The following CNTN3 variants were observed in gnomAD, a reference collection of about 807,000 sequenced individuals.
CNTN3 encodes contactin-3.
In CNTN3, 60 loss-of-function variants were observed where a neutral mutation model predicts 119.1. The ratio of observed to expected loss-of-function variants is 0.50; its 90% CI spans 0.41 to 0.62. The LOEUF is 0.62. Among genes scored for constraint, CNTN3 ranks in the 20% least tolerant of loss-of-function variants. The pLI, the probability that CNTN3 is intolerant of heterozygous loss-of-function variation, is 0.00. For synonymous variants in CNTN3, 450 were observed against 438.7 expected, an observed-to-expected ratio of 1.03 and a Z score of -0.32; for missense variants, 1,101 against 1,242.4, an observed-to-expected ratio of 0.89 and a Z score of 1.71.
intron 8 of CNTN3, among the ~76,000 whole-genome samples, chr3:74,365,999 A>G (rs928749141): frequency 6.6e-6 from 1 of 152,124 alleles, no homozygotes; most frequent in African/African-American, 2.4e-5. Flanking sequence ...TTAGATATCT[A>G]TTAGTAGACA....
chr3:74,554,387 T>C (rs1456541493), intron 1 of CNTN3, among the ~76,000 whole-genome samples: 1 of 152,176 alleles, frequency 6.6e-6, no homozygotes. Context: ...TCCAGGATTG[T>C]CTTGGCTATG....
At chr3:74,589,783 AATG>A (rs1293124209) in intron 1 of CNTN3, among the ~76,000 whole-genome samples, 3 of 151,672 alleles carry the variant, frequency 2.0e-5, no homozygotes, top group Non-Finnish European at 4.4e-5. Flanking sequence ...AGCCATAAAA[AATG>A]ATGAGTTCAT....
chr3:74,275,011 CT>C (rs1273186170), intron 20 of CNTN3, among the ~76,000 whole-genome samples: 1 of 152,062 alleles, frequency 6.6e-6, no homozygotes, highest in East Asian at 1.9e-4. Flanking sequence ...GCAAAATGCT[CT>C]GGAAAGTCTC....
chr3:74,413,371 C>T (rs1015492590), intron 5 of CNTN3, among the ~76,000 whole-genome samples: 5 of 152,088 alleles, frequency 3.3e-5, no homozygotes, highest in South Asian at 2.1e-4. Flanking sequence ...AAATTTCATA[C>T]GAATAGTGAA....
chr3:74,573,432 T>C (rs1704365821), intron 1 of CNTN3, among the ~76,000 whole-genome samples: 1 of 152,182 alleles, frequency 6.6e-6, no homozygotes, highest in Non-Finnish European at 1.5e-5. Context: ...GATACCCATA[T>C]GAGCATGTGT....
intron 13 of CNTN3, among the ~76,000 whole-genome samples, chr3:74,332,833 T>A (rs945811922): frequency 2.0e-5 from 3 of 152,220 alleles, no homozygotes; most frequent in African/African-American, 7.2e-5. Context: ...TAATTAAAAG[T>A]AGTAGAAGAG....
rs750061176 is a variant in CNTN3, at chr3:74,486,637, A to T, written c.183-6T>A. ...CACTTCCATTCAGCTGCCATCTGTA[A>T]AACAAATATCAAGGTTCCCCCCCCT... On this transcript the variant is annotated splice_region_variant and splice_polypyrimidine_tract_variant and intron_variant, in intron 3 of 22. Coordinates refer to ENST00000263665, the MANE Select transcript of CNTN3 (RefSeq NM_020872.3). 1 of 1,523,780 alleles carries T rather than the reference A, an allele frequency of 6.6e-7. No homozygotes were observed. Among genetic ancestry groups the T allele is most frequent in the East Asian group, 2.5e-5 (1 of 40,716 alleles). The allele number at this position is 1,523,780 out of a possible 1,614,324, so 94.4% of individuals were successfully genotyped here.
chr3:74,329,009 T>C (rs1303243466), intron 13 of CNTN3, among the ~76,000 whole-genome samples: 1 of 152,208 alleles, frequency 6.6e-6, no homozygotes, highest in Admixed American at 6.5e-5. Flanking sequence ...AGAAGTTGTT[T>C]GGGGAATGAG....
intron 1 of CNTN3, among the ~76,000 whole-genome samples, chr3:74,576,874 C>A (rs1194306677): frequency 6.6e-6 from 1 of 152,070 alleles, no homozygotes; most frequent in African/African-American, 2.4e-5. Context: ...TATTTATATT[C>A]TGGGCTTAAA....
rs201213894 is a variant in CNTN3, at chr3:74,315,975, CA to C, written c.1669-13169del. 7.6e-3 allele frequency among the ~76,000 whole-genome samples: 1,159 copies of C among 152,230 alleles called. 8 individuals carry two copies. The highest frequency in any genetic ancestry group is 0.011 in the Non-Finnish European group (781 of 68,018). On this transcript the variant is annotated intron_variant, in intron 13 of 22. Transcript: ENST00000263665. ...ATTACTATGTCCTCAAAGGCAATTG[CA>C]ACGTAATCAAAAATTGACAAGTGGG...
chr3:74,550,319 T>C (rs1489105749), intron 1 of CNTN3, among the ~76,000 whole-genome samples: 1 of 152,188 alleles, frequency 6.6e-6, no homozygotes, highest in Non-Finnish European at 1.5e-5. Flanking sequence ...AGTTTGGCTA[T>C]TTGGTCAGAA....
At chr3:74,362,526 T>C (rs1337888975) in intron 10 of CNTN3, among the ~76,000 whole-genome samples, 2 of 152,168 alleles carry the variant, frequency 1.3e-5, no homozygotes, top group Non-Finnish European at 1.5e-5. Flanking sequence ...AATTGTTAGG[T>C]TGAACTTCCA....
chr3:74,467,035 T>C (rs1367683685), intron 4 of CNTN3, among the ~76,000 whole-genome samples: 6 of 152,146 alleles, frequency 3.9e-5, no homozygotes, highest in Non-Finnish European at 7.4e-5. Flanking sequence ...AACTATATCT[T>C]TTGGGATTTT....
chr3:74,516,192 C>T (rs1234019276), intron 2 of CNTN3, among the ~76,000 whole-genome samples: 1 of 151,914 alleles, frequency 6.6e-6, no homozygotes, highest in Non-Finnish European at 1.5e-5. Context: ...ACTGTGCCAT[C>T]TACAACATGG....
intron 13 of CNTN3, among the ~76,000 whole-genome samples, chr3:74,310,492 G>A (rs1194447425): frequency 2.0e-5 from 3 of 152,118 alleles, no homozygotes; most frequent in African/African-American, 7.2e-5. Context: ...CCAGCAAGTT[G>A]GTATTGGCTG....
intron 8 of CNTN3, among the ~76,000 whole-genome samples, chr3:74,367,139 A>G (rs1480830491): frequency 6.6e-6 from 1 of 152,022 alleles, no homozygotes; most frequent in African/African-American, 2.4e-5. Flanking sequence ...ATGAAATATT[A>G]GAGCAGATAA....
chr3:74,373,360 G>T (rs923051783), intron 5 of CNTN3, among the ~76,000 whole-genome samples: 2 of 152,174 alleles, frequency 1.3e-5, no homozygotes, highest in African/African-American at 4.8e-5. Flanking sequence ...GTAAAGGAGG[G>T]AAAGCAATCT....
At chr3:74,416,953 A>C (rs1026667950) in intron 5 of CNTN3, among the ~76,000 whole-genome samples, 1 of 151,420 alleles carries the variant, frequency 6.6e-6, no homozygotes, top group Admixed American at 6.6e-5. Flanking sequence ...GTGCCACTGC[A>C]CTCCAGCCTG....
intron 1 of CNTN3, among the ~76,000 whole-genome samples, chr3:74,546,254 C>CA (rs1230692711): frequency 1.3e-5 from 2 of 152,164 alleles, no homozygotes; most frequent in Non-Finnish European, 2.9e-5. Flanking sequence ...CTCAGCCTCC[C>CA]AAAGTGCTGG....
Sources: gnomAD v4.1 joint callset for allele counts (sites outside exome capture counted in the v4.1 genomes callset) on GRCh38, gnomAD v4.1.1 for gene constraint, MANE v1.5 for transcripts, NCBI Gene and HGNC (gene_info 2026-07-23, HGNC 2026-07-21) for gene names.